Variants in LARGE1 observed in about 807,000 individuals in gnomAD.
LARGE1 encodes the protein LARGE xylosyl- and glucuronyltransferase 1, also known as xylosyl- and glucuronyltransferase LARGE1.
In LARGE1, 43 loss-of-function variants were observed where a neutral mutation model predicts 87.6. That is an observed-to-expected ratio of 0.49 (90% confidence interval 0.38 to 0.63). The LOEUF (loss-of-function observed/expected upper bound fraction) is 0.63. Among genes scored for constraint, LARGE1 ranks in the 30% least tolerant of loss-of-function variants. The probability of loss-of-function intolerance (pLI) is 0.00; values close to 1 mark genes in which losing one functional copy is unlikely to be tolerated. For synonymous variants in LARGE1, 434 were observed against 394.6 expected (o/e 1.10, Z -1.18); for missense variants, 802 against 1,000.2 (o/e 0.80, Z 2.67).
rs562043774 is a variant in LARGE1 at position 33,536,343 on chromosome 22, ATCTC to A, written c.787+28501_787+28504del. 1.1e-3 allele frequency among the ~76,000 whole-genome samples: 169 copies of A among 152,270 alleles called. 1 individual carries two copies. The highest frequency in any genetic ancestry group is 3.5e-3 in the African/African-American group (147 of 41,546). On this transcript the variant is annotated intron_variant, in intron 6 of 14. Transcript: ENST00000397394. ...GGTCACATTGGCCTCCCTTCCTGTAATCTCTCTCTACAAATGGCCTTCTGTATGT... is the reference window on the plus strand; with the variant it reads ...GGTCACATTGGCCTCCCTTCCTGTAATCTCTACAAATGGCCTTCTGTATGT...
intron 12 of LARGE1, among the ~76,000 whole-genome samples, chr22:33,297,655 G>A (rs1178186408): frequency 1.3e-5 from 2 of 149,974 alleles, no homozygotes; most frequent in African/African-American, 4.9e-5. Flanking sequence ...GAAGGCAAAA[G>A]GCAGTGAGGA....
chr22:33,499,670 T>C (rs1277881449), intron 6 of LARGE1, among the ~76,000 whole-genome samples: 1 of 138,392 alleles, frequency 7.2e-6, no homozygotes, highest in Non-Finnish European at 1.6e-5. Flanking sequence ...AGAGATTTTA[T>C]TGACTTATAG....
At chr22:33,902,181 C>T (rs565311108) in intron 1 of LARGE1, among the ~76,000 whole-genome samples, 1 of 152,196 alleles carries the variant, frequency 6.6e-6, no homozygotes, top group Non-Finnish European at 1.5e-5. Context: ...AAACCCCACA[C>T]TTGAAAACTT....
At chr22:33,504,075 T>C (rs1223595004) in intron 6 of LARGE1, among the ~76,000 whole-genome samples, 1 of 152,184 alleles carries the variant, frequency 6.6e-6, no homozygotes, top group African/African-American at 2.4e-5. Flanking sequence ...CAATGGGCAG[T>C]TCTGCAGAGA....
At chr22:33,516,553 A>G (rs2071312824) in intron 6 of LARGE1, among the ~76,000 whole-genome samples, 1 of 152,106 alleles carries the variant, frequency 6.6e-6, no homozygotes, top group Admixed American at 6.6e-5. Context: ...ACAGACCAAG[A>G]TGATGGGGTG....
intron 1 of LARGE1, among the ~76,000 whole-genome samples, chr22:33,848,878 C>G (rs1309519649): frequency 6.6e-6 from 1 of 152,136 alleles, no homozygotes; most frequent in Admixed American, 6.5e-5. Flanking sequence ...TTCACTATCT[C>G]CTAAAGCTTT....
chr22:33,074,358 C>T, the LARGE1 span, among the ~76,000 whole-genome samples: 1 of 152,070 alleles, frequency 6.6e-6, no homozygotes, highest in East Asian at 1.9e-4. Flanking sequence ...AAGGAATGGC[C>T]TTAAGAAAAA....
chr22:33,590,604 C>T (rs2078808356), intron 5 of LARGE1, among the ~76,000 whole-genome samples: 1 of 152,200 alleles, frequency 6.6e-6, no homozygotes, highest in Non-Finnish European at 1.5e-5. Context: ...CTCTGTCTTG[C>T]TTTCAAGAAT....
intron 1 of LARGE1, among the ~76,000 whole-genome samples, chr22:33,887,101 A>G (rs986759804): frequency 3.9e-5 from 6 of 152,212 alleles, no homozygotes; most frequent in Admixed American, 3.3e-4. Context: ...ACAGAATTCC[A>G]AGTGAAAAGA....
At chr22:33,139,200 G>A in the LARGE1 span, among the ~76,000 whole-genome samples, 1 of 152,148 alleles carries the variant, frequency 6.6e-6, no homozygotes, top group Admixed American at 6.5e-5. Context: ...TATCAGCAGT[G>A]TGAAAACAGA....
chr22:33,667,223 T>G (rs2074425543), intron 2 of LARGE1, among the ~76,000 whole-genome samples: 1 of 152,244 alleles, frequency 6.6e-6, no homozygotes, highest in Non-Finnish European at 1.5e-5. Context: ...GCTTCCATCC[T>G]TCTCACATAT....
chr22:33,592,386 A>G (rs2078866683), intron 5 of LARGE1, among the ~76,000 whole-genome samples: 3 of 152,138 alleles, frequency 2.0e-5, no homozygotes, highest in African/African-American at 4.8e-5. Context: ...ATCATCACTA[A>G]TAAATTAGAT....
At chr22:33,398,492 C>A (rs980158091) in intron 7 of LARGE1, among the ~76,000 whole-genome samples, 1 of 152,168 alleles carries the variant, frequency 6.6e-6, no homozygotes, top group African/African-American at 2.4e-5. Flanking sequence ...ACTTGCCGAA[C>A]TAGAGTGATA....
chr22:33,778,714 A>C (rs1162575879), intron 1 of LARGE1, among the ~76,000 whole-genome samples: 1 of 152,014 alleles, frequency 6.6e-6, no homozygotes, highest in Non-Finnish European at 1.5e-5. Context: ...GCAGTGGCGC[A>C]ATCTCGGCTC....
chr22:33,765,731 T>A (rs446869), intron 1 of LARGE1, among the ~76,000 whole-genome samples: 2 of 134,298 alleles, frequency 1.5e-5, no homozygotes, highest in East Asian at 2.3e-4. Context: ...AAAAAAAAAG[T>A]TATAGACAAA....
At chr22:33,864,151 A>G (rs2064017349) in intron 1 of LARGE1, among the ~76,000 whole-genome samples, 1 of 152,186 alleles carries the variant, frequency 6.6e-6, no homozygotes, top group African/African-American at 2.4e-5. Flanking sequence ...GCTGGGAGGC[A>G]GGAAAGGTCA....
chr22:33,406,271 G>T (rs74739479), intron 7 of LARGE1, among the ~76,000 whole-genome samples: 1 of 151,822 alleles, frequency 6.6e-6, no homozygotes, highest in Non-Finnish European at 1.5e-5. Context: ...ACAGCCTGGC[G>T]TGCCCCCTCC....
chr22:33,311,781 C>T (rs1935625334), intron 11 of LARGE1, among the ~76,000 whole-genome samples: 1 of 152,294 alleles, frequency 6.6e-6, no homozygotes, highest in South Asian at 2.1e-4. Context: ...CCAGTATTTA[C>T]TGGATGTCAA....
chr22:33,298,296 C>G (rs1364428734), intron 12 of LARGE1, among the ~76,000 whole-genome samples: 2 of 152,292 alleles, frequency 1.3e-5, no homozygotes, highest in Middle Eastern at 3.4e-3. Context: ...ACTTTGTCTC[C>G]CCTGTTCACT....
Sources: allele counts gnomAD v4.1 joint callset (sites outside exome capture counted in the v4.1 genomes callset), GRCh38; gene constraint gnomAD v4.1.1; transcripts MANE v1.5; gene names NCBI Gene and HGNC (gene_info 2026-07-23, HGNC 2026-07-21).